STEEP1: variants seen among roughly 807,000 people sequenced by gnomAD.
STEEP1 encodes STING1 ER exit protein 1.
STEEP1 carries 3 observed loss-of-function variants against 19.2 expected under a neutral mutation model. The ratio of observed to expected loss-of-function variants is 0.16; its 90% confidence interval spans 0.07 to 0.40. The LOEUF (loss-of-function observed/expected upper bound fraction) is 0.40, where lower values mean the gene tolerates loss of function less well. Among genes scored for constraint, STEEP1 ranks in the 10% least tolerant of loss-of-function variants. STEEP1 has a pLI of 0.99. For missense variants in STEEP1, 54 were observed against 177.1 expected (o/e 0.30, Z 3.94); for synonymous variants, 46 against 63.7 (o/e 0.72, Z 1.32).
rs143731683 is a variant in STEEP1, at chrX:119,561,330, C to T, written c.125-945G>A. Among the ~76,000 whole-genome samples, 390 of 111,509 alleles carry T rather than the reference C, an allele frequency of 3.5e-3. 1 individual carries two copies. Among genetic ancestry groups the T allele is most frequent in the African/African-American group, 0.012 (371 of 30,804 alleles). On this transcript the variant is annotated intron_variant, in intron 1 of 6. Transcript: ENST00000644802. ...AATTTTAATCTGAAAACAATGAAAA[C>T]ACAGTAAACAAATTAGGTACAGTTG...
chrX:119,559,953 G>T (rs2053309796), intron 2 of STEEP1, among the ~76,000 whole-genome samples: 1 of 112,001 alleles, frequency 8.9e-6, no homozygotes, highest in African/African-American at 3.2e-5. Flanking sequence ...GGAGGCTGAG[G>T]CAAGAGAGTT....
At chrX:119,556,349 C>T (rs188289104) in intron 2 of STEEP1, among the ~76,000 whole-genome samples, 128 of 110,169 alleles carry the variant, frequency 1.2e-3, no homozygotes, top group Non-Finnish European at 2.3e-4. Flanking sequence ...TTTGGGAGGC[C>T]GAAGTGGGCG....
intron 4 of STEEP1, among the ~76,000 whole-genome samples, chrX:119,543,194 CTT>C (rs1215016885): frequency 2.0e-5 from 2 of 100,406 alleles, no homozygotes. Flanking sequence ...TTTTTAATTA[CTT>C]TTTTTTTTTT....
chrX:119,563,736 G>T (rs996556973), intron 1 of STEEP1, among the ~76,000 whole-genome samples: 1 of 110,601 alleles, frequency 9.0e-6, no homozygotes, highest in Non-Finnish European at 1.9e-5. Context: ...GAATGGAGGT[G>T]GTAAGAAGCA....
At chrX:119,546,934 T>TACATACCAC (rs2053210216) in intron 2 of STEEP1, among the ~76,000 whole-genome samples, 1 of 111,248 alleles carries the variant, frequency 9.0e-6, no homozygotes, top group Non-Finnish European at 1.9e-5. Context: ...AACTTTGTAA[T>TACATACCAC]AGGCAATATA....
chrX:119,549,343 C>A (rs1288952023), intron 2 of STEEP1, among the ~76,000 whole-genome samples: 3 of 111,594 alleles, frequency 2.7e-5, no homozygotes, highest in Admixed American at 1.9e-4. Context: ...TAAACATATA[C>A]AATTTTTGTC....
intron 2 of STEEP1, among the ~76,000 whole-genome samples, chrX:119,550,278 A>C (rs1164519994): frequency 8.9e-6 from 1 of 112,161 alleles, no homozygotes; most frequent in East Asian, 2.8e-4. Context: ...AAACAAGAAC[A>C]AAGTTGGAGA....
In STEEP1 at chrX:119,539,530, C is replaced by CAAAA. The variant is rs34447220; in HGVS notation, c.*193_*196dup. Reference sequence around the variant, plus strand: ...TGGGCGAAAGAGCAAGACTTTATCTCAAAAAAAAAAAAAAAAAAAAGAAAG... The same window carrying CAAAA: ...TGGGCGAAAGAGCAAGACTTTATCTCAAAAAAAAAAAAAAAAAAAAAAAAGAAAG... On this transcript the variant is annotated 3_prime_UTR_variant, in exon 7 of 7. Transcript: ENST00000644802. The CAAAA allele has an allele frequency of 1.3e-5, 4 of 304,664 alleles. No homozygotes were observed. Among genetic ancestry groups the CAAAA allele is most frequent in the African/African-American group, 3.5e-5 (1 of 28,968 alleles). The allele number at this position is 304,664 out of a possible 1,213,427, so 25.1% of individuals were successfully genotyped here.
chrX:119,561,019 AAAAAAAG>A (rs2053316556), intron 1 of STEEP1, among the ~76,000 whole-genome samples: 3 of 109,129 alleles, frequency 2.7e-5, no homozygotes, highest in South Asian at 3.9e-4. Context: ...CAAAAAAAAA[AAAAAAAG>A]AGGCCAGGCG....
chrX:119,544,210 T>A (rs1284689256), intron 4 of STEEP1, 143 bp downstream of exon 4: 2 of 452,943 alleles, frequency 4.4e-6, no homozygotes, highest in African/African-American at 2.5e-5. Flanking sequence ...AAAAAAGAAA[T>A]AAAATAAGAA....
intron 4 of STEEP1, among the ~76,000 whole-genome samples, chrX:119,542,993 C>T: frequency 3.3e-5 from 1 of 30,697 alleles, no homozygotes; most frequent in African/African-American, 1.4e-4. Context: ...GAGACTGGGT[C>T]TCGCAAAAAA....
chrX:119,564,377 T>TC (rs773252968), intron 1 of STEEP1, among the ~76,000 whole-genome samples: 26 of 108,165 alleles, frequency 2.4e-4, no homozygotes, highest in African/African-American at 8.4e-4. Context: ...GCGCCTGTAA[T>TC]CCCAGCTACT....
At chrX:119,544,290 T>C in intron 4 of STEEP1, 63 bp downstream of exon 4, 1 of 1,010,834 alleles carries the variant, frequency 9.9e-7, no homozygotes, top group Non-Finnish European at 1.4e-6. Context: ...ACTATAATCT[T>C]ATTTCAAAAC....
chrX:119,541,511 T>C, intron 5 of STEEP1, 91 bp from the exon 6 acceptor site: 1 of 526,451 alleles, frequency 1.9e-6, no homozygotes, highest in East Asian at 3.5e-5. Context: ...ACTCAAATCA[T>C]GAAATCATGA....
At chrX:119,546,149 G>A (rs748672055) in intron 2 of STEEP1, among the ~76,000 whole-genome samples, 6 of 110,108 alleles carry the variant, frequency 5.4e-5, no homozygotes, top group Non-Finnish European at 9.5e-5. Context: ...AAGTATACAT[G>A]TATTAACTCG....
rs2053141357 is a variant in STEEP1, at chrX:119,538,743, G to A, written c.*984C>T. 1 of 111,357 alleles carries A rather than the reference G, an allele frequency of 9.0e-6. No individual in the cohort carries two copies. The allele number at this position is 111,357 out of a possible 1,213,427, so 9.2% of individuals were successfully genotyped here. ...GAGCCACCGTACCCGGCCACCCTTG[G>A]GTTACTTGAGACCCTACTTTCATTT... On this transcript the variant is annotated 3_prime_UTR_variant, in exon 7 of 7. Transcript: ENST00000644802.
chrX:119,558,158 C>A (rs2053294817), intron 2 of STEEP1, among the ~76,000 whole-genome samples: 1 of 111,514 alleles, frequency 9.0e-6, no homozygotes, highest in Non-Finnish European at 1.9e-5. Context: ...ATCCACCCAC[C>A]TCAGCCTCTC....
chrX:119,544,136 T>C (rs996397375), intron 4 of STEEP1, among the ~76,000 whole-genome samples: 2 of 111,460 alleles, frequency 1.8e-5, no homozygotes, highest in Admixed American at 9.6e-5. Context: ...TGCATCTATA[T>C]ACCCCCCAAA....
chrX:119,541,551 A>T (rs1603305392), intron 5 of STEEP1, 131 bp from the exon 6 acceptor site: 1 of 430,624 alleles, frequency 2.3e-6, no homozygotes, highest in Admixed American at 3.7e-5. Context: ...TTCCTTTTCC[A>T]TTCTCCATCT....
Sources: allele counts gnomAD v4.1 joint callset (sites outside exome capture counted in the v4.1 genomes callset), GRCh38; gene constraint gnomAD v4.1.1; transcripts MANE v1.5; gene names NCBI Gene and HGNC (gene_info 2026-07-23, HGNC 2026-07-21).